The following ZZZ3 variants were observed in gnomAD, a reference collection of about 807,000 sequenced individuals.
ZZZ3 encodes ZZ-type zinc finger-containing protein 3.
In ZZZ3, 22 loss-of-function variants were observed where a neutral mutation model predicts 95.2. The ratio of observed to expected loss-of-function variants is 0.23; its 90% CI spans 0.17 to 0.33. The LOEUF (loss-of-function observed/expected upper bound fraction) is 0.33. Ranked by LOEUF, ZZZ3 falls within the 10% of genes least tolerant of loss-of-function variation. The pLI, the probability that ZZZ3 is intolerant of heterozygous loss-of-function variation, is 1.00. For synonymous variants in ZZZ3, 335 were observed against 358.9 expected (o/e 0.93, Z 0.75); for missense variants, 885 against 1,066.5 (o/e 0.83, Z 2.37).
At chr1:77,593,570 G>A (rs1297935114) in intron 5 of ZZZ3, among the ~76,000 whole-genome samples, 2 of 152,134 alleles carry the variant, frequency 1.3e-5, no homozygotes, top group Non-Finnish European at 2.9e-5. Context: ...TCTGGGAAGA[G>A]GAAAGGGGCA....
chr1:77,672,197 C>T (rs6603957), intron 1 of ZZZ3, among the ~76,000 whole-genome samples: 7,619 of 152,208 alleles, frequency 0.05, 270 homozygotes, highest in African/African-American at 0.1. Context: ...ATGAGAGCTC[C>T]GAGTGCAGTG....
intron 12 of ZZZ3, among the ~76,000 whole-genome samples, chr1:77,573,421 C>G (rs1312993714): frequency 6.6e-6 from 1 of 152,190 alleles, no homozygotes; most frequent in African/African-American, 2.4e-5. Context: ...AGTGCCCGGT[C>G]TGAAGTACTT....
chr1:77,672,822 C>T (rs1294333821), intron 1 of ZZZ3, among the ~76,000 whole-genome samples: 1 of 152,160 alleles, frequency 6.6e-6, no homozygotes, highest in Non-Finnish European at 1.5e-5. Flanking sequence ...AACTCTATAA[C>T]CATTACAAAA....
At chr1:77,615,405 A>AACTTGGCATCTAGCTTCAACAATCTCAC (rs1666213427) in intron 5 of ZZZ3, among the ~76,000 whole-genome samples, 2 of 152,234 alleles carry the variant, frequency 1.3e-5, no homozygotes, top group Non-Finnish European at 2.9e-5. Flanking sequence ...CATAGAAACA[A>AACTTGGCATCTAGCTTCAACAATCTCAC]ACTTGGCATC....
intron 5 of ZZZ3, among the ~76,000 whole-genome samples, chr1:77,624,988 G>A (rs1388545036): frequency 6.6e-6 from 1 of 152,218 alleles, no homozygotes; most frequent in Non-Finnish European, 1.5e-5. Flanking sequence ...AGTGTTGAGT[G>A]TGAGTAGAGA....
intron 5 of ZZZ3, 109 bp from the exon 6 acceptor site, chr1:77,584,764 T>TA: frequency 1.3e-6 from 1 of 792,598 alleles, no homozygotes; most frequent in Non-Finnish European, 1.8e-6. Flanking sequence ...TTTTAAGAGT[T>TA]ACCTGAAAGA....
intron 5 of ZZZ3, among the ~76,000 whole-genome samples, chr1:77,607,243 G>A (rs1211987730): frequency 6.6e-6 from 1 of 152,168 alleles, no homozygotes; most frequent in South Asian, 2.1e-4. Context: ...TTGTGCAGGG[G>A]AATGTCCATT....
At chr1:77,588,503 A>G (rs1663331558) in intron 5 of ZZZ3, among the ~76,000 whole-genome samples, 1 of 152,196 alleles carries the variant, frequency 6.6e-6, no homozygotes, top group Non-Finnish European at 1.5e-5. Context: ...TCAAACCAGG[A>G]GCAAATTGTG....
At chr1:77,661,014 C>T (rs1670727898) in intron 1 of ZZZ3, among the ~76,000 whole-genome samples, 1 of 150,902 alleles carries the variant, frequency 6.6e-6, no homozygotes, top group Non-Finnish European at 1.5e-5. Flanking sequence ...ATTTGTTACC[C>T]TAATTTGCCA....
At position 77,565,452 on chromosome 1, in the gene ZZZ3, C is replaced by G. The variant is rs1015216092; in HGVS notation, c.*188G>C. On this transcript the variant is annotated 3_prime_UTR_variant, in exon 15 of 15. Transcript: ENST00000370801. ...GAAACCTTTGCTCACCAGGAATGTT[C>G]AGCTGCTGAACAGTGATCTAGAGCC... 9 of 513,636 alleles carry G rather than the reference C, an allele frequency of 1.8e-5. No homozygotes were observed. In the African/African-American group the frequency reaches 1.8e-4, roughly 10 times the overall value. 31.8% of individuals were successfully genotyped at this position (513,636 alleles called of 1,614,324 possible).
At chr1:77,644,062 C>CTTTTTTTTTTTTTTTTTTTTTT (rs112932216) in intron 1 of ZZZ3, among the ~76,000 whole-genome samples, 1 of 143,686 alleles carries the variant, frequency 7.0e-6, no homozygotes. Flanking sequence ...AAATAACTTT[C>CTTTTTTTTTTTTTTTTTTTTTT]TTTTTTTTTT....
chr1:77,676,081 A>C (rs994232748), intron 1 of ZZZ3, among the ~76,000 whole-genome samples: 3 of 152,224 alleles, frequency 2.0e-5, no homozygotes, highest in African/African-American at 7.2e-5. Flanking sequence ...CATACATCCT[A>C]AACTGTTAAT....
chr1:77,642,442 G>A (rs1172123469), intron 1 of ZZZ3, among the ~76,000 whole-genome samples: 2 of 152,100 alleles, frequency 1.3e-5, no homozygotes, highest in African/African-American at 4.8e-5. Flanking sequence ...ACAAATCTAC[G>A]TGGAAAATAC....
At chr1:77,580,491 T>G (rs1662393309) in intron 9 of ZZZ3, 1 of 152,226 alleles carries the variant, frequency 6.6e-6, no homozygotes, top group South Asian at 2.1e-4. Flanking sequence ...CTTTTAAAAT[T>G]ATCCCCAAAC....
Position 77,630,631 on chromosome 1 carries a change from C to T in ZZZ3, c.1505+1219G>A, listed in dbSNP as rs953431001. Among the ~76,000 whole-genome samples, 3 of 152,254 alleles carry T rather than the reference C, an allele frequency of 2.0e-5. No individual in the cohort carries two copies. The South Asian group carries it at 6.2e-4, about 32-fold the overall frequency. On this transcript the variant is annotated intron_variant, in intron 5 of 14. Transcript: ENST00000370801. The stretch of plus-strand genomic sequence containing the variant: ...CAAATATTCCAAATACTCGAGACTC[C>T]TAACATTTTCACAAAATTGTAAAAT...
intron 10 of ZZZ3, among the ~76,000 whole-genome samples, chr1:77,579,216 C>T (rs1481135681): frequency 6.6e-6 from 1 of 152,056 alleles, no homozygotes; most frequent in Non-Finnish European, 1.5e-5. Context: ...AACACTAAGG[C>T]AATGAAACAA....
intron 10 of ZZZ3, 138 bp downstream of exon 10, chr1:77,579,389 T>G: frequency 1.1e-5 from 6 of 555,638 alleles, no homozygotes; most frequent in Non-Finnish European, 1.9e-5. Flanking sequence ...ATACAATTTT[T>G]TTAAAAAAAC....
At chr1:77,675,687 A>C (rs1672197621) in intron 1 of ZZZ3, among the ~76,000 whole-genome samples, 1 of 152,172 alleles carries the variant, frequency 6.6e-6, no homozygotes, top group South Asian at 2.1e-4. Context: ...TAACCAGAAA[A>C]ATCTGTAAAC....
intron 12 of ZZZ3, among the ~76,000 whole-genome samples, chr1:77,572,574 A>G (rs1661505678): frequency 6.6e-6 from 1 of 151,938 alleles, no homozygotes; most frequent in Non-Finnish European, 1.5e-5. Flanking sequence ...ACCTGACCTC[A>G]TGATTCATCT....
Sources: gnomAD v4.1 joint callset for allele counts (sites outside exome capture counted in the v4.1 genomes callset) on GRCh38, gnomAD v4.1.1 for gene constraint, MANE v1.5 for transcripts, NCBI Gene and HGNC (gene_info 2026-07-23, HGNC 2026-07-21) for gene names.